Variants in ZNF804B observed in about 807,000 individuals in gnomAD.
ZNF804B encodes the protein zinc finger protein 804B, also known as zinc finger 804B.
A neutral mutation model predicts 101.4 loss-of-function variants in ZNF804B; 80 were observed. That is an observed-to-expected ratio of 0.79 (90% CI 0.66 to 0.95). The LOEUF (loss-of-function observed/expected upper bound fraction) is 0.95, where lower values mean the gene tolerates loss of function less well. ZNF804B is among the 40% of genes least tolerant of loss of function. ZNF804B has a pLI of 0.00. For missense variants in ZNF804B, 1,673 were observed against 1,561.9 expected, an observed-to-expected ratio of 1.07 and a Z score of -1.20; for synonymous variants, 622 against 558.8, an observed-to-expected ratio of 1.11 and a Z score of -1.59.
At chr7:89,126,786 C>G (rs900296631) in intron 1 of ZNF804B, among the ~76,000 whole-genome samples, 2 of 151,804 alleles carry the variant, frequency 1.3e-5, no homozygotes, top group African/African-American at 2.4e-5. Context: ...TTAAATTATA[C>G]ACTGTGTGAT....
intron 2 of ZNF804B, among the ~76,000 whole-genome samples, chr7:89,310,563 C>G (rs1442909452): frequency 6.6e-6 from 1 of 152,064 alleles, no homozygotes; most frequent in African/African-American, 2.4e-5. Context: ...TGCAAAAACC[C>G]TTTCACTGTG....
At chr7:89,176,709 G>A (rs13231930) in intron 1 of ZNF804B, among the ~76,000 whole-genome samples, 30,970 of 149,606 alleles carry the variant, frequency 0.21, 3,385 homozygotes, top group Middle Eastern at 0.4. Flanking sequence ...AGTTTGAGTA[G>A]GATTGGTATT....
chr7:89,010,055 A>G (rs1788432023), intron 1 of ZNF804B, among the ~76,000 whole-genome samples: 1 of 152,140 alleles, frequency 6.6e-6, no homozygotes, highest in Admixed American at 6.6e-5. Context: ...TTGTATATAC[A>G]TATGTTATTT....
Position 89,171,282 on chromosome 7 carries a change from GCTGCTGCTT to G in ZNF804B, c.109-46870_109-46862del, listed in dbSNP as rs1358454068. Reference sequence around the variant, plus strand: ...CAATGAAGTAGGCACAAATAATGCTGCTGCTGCTTCTTCTTCTTCTTCTTCTTCTTCTTC... The same window carrying G: ...CAATGAAGTAGGCACAAATAATGCTGCTTCTTCTTCTTCTTCTTCTTCTTC... On this transcript the variant is annotated intron_variant, in intron 1 of 3. Transcript: ENST00000333190. 9.4e-3 allele frequency among the ~76,000 whole-genome samples: 896 copies of G among 95,514 alleles called. 9 individuals carry two copies. The highest frequency in any genetic ancestry group is 0.02 in the African/African-American group (447 of 21,978). 62.7% of individuals were successfully genotyped at this position (95,514 alleles called of 152,430 possible).
intron 1 of ZNF804B, among the ~76,000 whole-genome samples, chr7:89,036,864 G>T (rs1788937826): frequency 6.6e-6 from 1 of 152,036 alleles, no homozygotes; most frequent in South Asian, 2.1e-4. Flanking sequence ...ACTATGGTAA[G>T]GTCTGTATGC....
chr7:88,919,633 C>G (rs1360135287), intron 1 of ZNF804B, among the ~76,000 whole-genome samples: 1 of 152,122 alleles, frequency 6.6e-6, no homozygotes, highest in African/African-American at 2.4e-5. Flanking sequence ...CATTTGCAAA[C>G]TGATTAAAGT....
At chr7:88,834,716 T>G (rs1455811457) in intron 1 of ZNF804B, among the ~76,000 whole-genome samples, 1 of 151,634 alleles carries the variant, frequency 6.6e-6, no homozygotes, top group Non-Finnish European at 1.5e-5. Flanking sequence ...AACATCACCT[T>G]AAGTTGAACG....
chr7:89,159,127 A>G (rs972404812), intron 1 of ZNF804B, among the ~76,000 whole-genome samples: 7 of 152,118 alleles, frequency 4.6e-5, no homozygotes, highest in African/African-American at 9.7e-5. Context: ...TCTATTCTCA[A>G]TCTCCTGGAT....
At chr7:88,859,185 G>A (rs770653978) in intron 1 of ZNF804B, among the ~76,000 whole-genome samples, 1 of 151,978 alleles carries the variant, frequency 6.6e-6, no homozygotes, top group East Asian at 1.9e-4. Flanking sequence ...AGCTATGGGT[G>A]TGCGTGCATG....
chr7:89,170,097 T>G lies in ZNF804B; in HGVS notation c.109-48058T>G, dbSNP rs147610806. ...AGACTGTGCAGATCTGTGGAATAGTTATTTAGAAGGCATGCATTTACTGAT... is the reference window on the plus strand; with the variant it reads ...AGACTGTGCAGATCTGTGGAATAGTGATTTAGAAGGCATGCATTTACTGAT... On this transcript the variant is annotated intron_variant, in intron 1 of 3. Coordinates refer to ENST00000333190, the MANE Select transcript of ZNF804B (RefSeq NM_181646.5). 2.5e-4 allele frequency among the ~76,000 whole-genome samples: 38 copies of G among 152,328 alleles called. No individual in the cohort carries two copies. In the East Asian group the frequency reaches 6.9e-3, roughly 28 times the overall value.
chr7:89,321,537 A>G (rs1790821359), intron 2 of ZNF804B, among the ~76,000 whole-genome samples: 1 of 152,138 alleles, frequency 6.6e-6, no homozygotes, highest in African/African-American at 2.4e-5. Flanking sequence ...TGCAACTATG[A>G]AAGTGACATA....
At chr7:88,891,073 C>T (rs903682540) in intron 1 of ZNF804B, among the ~76,000 whole-genome samples, 1 of 151,964 alleles carries the variant, frequency 6.6e-6, no homozygotes, top group African/African-American at 2.4e-5. Context: ...TACTGATATA[C>T]CCCTACCACA....
chr7:88,930,652 G>A (rs1254462546), intron 1 of ZNF804B, among the ~76,000 whole-genome samples: 1 of 151,826 alleles, frequency 6.6e-6, no homozygotes, highest in Admixed American at 6.6e-5. Flanking sequence ...GTGTTTTGTG[G>A]TAGTTGATAA....
At chr7:88,847,660 G>T (rs1791395905) in intron 1 of ZNF804B, among the ~76,000 whole-genome samples, 1 of 152,022 alleles carries the variant, frequency 6.6e-6, no homozygotes, top group Admixed American at 6.6e-5. Flanking sequence ...GAGGTGAGAT[G>T]GATTTTAATA....
chr7:89,244,664 T>C (rs1366554924), intron 2 of ZNF804B, among the ~76,000 whole-genome samples: 1 of 152,070 alleles, frequency 6.6e-6, no homozygotes, highest in African/African-American at 2.4e-5. Flanking sequence ...AGACAAAAGA[T>C]AAATACTGGG....
Position 88,920,298 on chromosome 7 carries a change from C to T in ZNF804B, c.108+160214C>T, listed in dbSNP as rs1792701534. On this transcript the variant is annotated intron_variant, in intron 1 of 3. Transcript: ENST00000333190. ...TATTAATTTTGCATGACTGGAATCA[C>T]ATTAGAGACCATGTTACTCCTAGCA... 3.3e-5 allele frequency among the ~76,000 whole-genome samples: 5 copies of T among 152,028 alleles called. 1 individual carries two copies. The South Asian group carries it at 1.0e-3, about 31-fold the overall frequency.
intron 1 of ZNF804B, among the ~76,000 whole-genome samples, chr7:89,113,360 T>A (rs571094704): frequency 1.3e-5 from 2 of 151,554 alleles, no homozygotes; most frequent in South Asian, 4.2e-4. Flanking sequence ...GAACCTAAAA[T>A]AAAAGTCATA....
chr7:89,269,970 T>G (rs2115835526), intron 2 of ZNF804B, among the ~76,000 whole-genome samples: 1 of 152,338 alleles, frequency 6.6e-6, no homozygotes, highest in Non-Finnish European at 1.5e-5. Flanking sequence ...ATTAGCCCTT[T>G]GTCAGATGAG....
intron 1 of ZNF804B, among the ~76,000 whole-genome samples, chr7:88,885,003 C>T (rs28623238): frequency 0.41 from 62,447 of 151,114 alleles, 14,849 homozygotes; most frequent in African/African-American, 0.65. Flanking sequence ...AAGGTGCTCC[C>T]GAATAAATTA....
Sources: gnomAD v4.1 joint callset for allele counts (sites outside exome capture counted in the v4.1 genomes callset) on GRCh38, gnomAD v4.1.1 for gene constraint, MANE v1.5 for transcripts, NCBI Gene and HGNC (gene_info 2026-07-23, HGNC 2026-07-21) for gene names.